Variants in NAALADL2 observed in about 807,000 individuals in gnomAD.
NAALADL2 encodes N-acetylated alpha-linked acidic dipeptidase like 2, also known as inactive N-acetylated-alpha-linked acidic dipeptidase-like protein 2.
NAALADL2 carries 76 observed loss-of-function variants against 87.2 expected under a neutral mutation model. That is an observed-to-expected ratio of 0.87 (90% CI 0.72 to 1.05). The LOEUF (loss-of-function observed/expected upper bound fraction) is 1.05. Among genes scored for constraint, NAALADL2 ranks in the 50% least tolerant of loss-of-function variants. NAALADL2 has a pLI of 0.00. For missense variants in NAALADL2, 1,089 were observed against 945.8 expected (o/e 1.15, Z -1.99); for synonymous variants, 354 against 331.0 (o/e 1.07, Z -0.75).
At chr3:174,896,566 C>T (rs1731560333) in intron 1 of NAALADL2, among the ~76,000 whole-genome samples, 1 of 152,040 alleles carries the variant, frequency 6.6e-6, no homozygotes, top group South Asian at 2.1e-4. Context: ...TTAGAAGAAT[C>T]AATATTGTTA....
At chr3:174,441,652 G>C (rs1173973202) in intron 1 of NAALADL2, among the ~76,000 whole-genome samples, 2 of 151,994 alleles carry the variant, frequency 1.3e-5, no homozygotes, top group Non-Finnish European at 2.9e-5. Context: ...CTAACGTCTG[G>C]CTTACTACCA....
intron 11 of NAALADL2, among the ~76,000 whole-genome samples, chr3:175,633,919 G>A (rs1314943561): frequency 1.3e-5 from 2 of 151,594 alleles, no homozygotes; most frequent in Non-Finnish European, 3.0e-5. Flanking sequence ...ACATGACAAA[G>A]AAAAAGTAGT....
chr3:174,492,507 C>A (rs1718266400), intron 1 of NAALADL2, among the ~76,000 whole-genome samples: 1 of 149,982 alleles, frequency 6.7e-6, no homozygotes, highest in Non-Finnish European at 1.5e-5. Flanking sequence ...GCATAAGATA[C>A]TGCCATGAGG....
intron 5 of NAALADL2, among the ~76,000 whole-genome samples, chr3:175,387,070 A>AT (rs766642900): frequency 5.9e-5 from 9 of 151,626 alleles, no homozygotes; most frequent in African/African-American, 1.9e-4. Context: ...AAGTGGGAAA[A>AT]TTTTTTTTTA....
At chr3:175,283,768 TTA>T (rs1277103083) in intron 4 of NAALADL2, among the ~76,000 whole-genome samples, 1 of 151,764 alleles carries the variant, frequency 6.6e-6, no homozygotes, top group Non-Finnish European at 1.5e-5. Flanking sequence ...AGTGTGTTTT[TTA>T]TATATCCAGT....
intron 3 of NAALADL2, among the ~76,000 whole-genome samples, chr3:174,748,147 A>G (rs916175140): frequency 2.6e-5 from 4 of 152,026 alleles, no homozygotes; most frequent in African/African-American, 9.6e-5. Flanking sequence ...AACAACACAC[A>G]CTTGGGTCTG....
intron 9 of NAALADL2, among the ~76,000 whole-genome samples, chr3:175,533,925 T>C (rs145164055): frequency 1.4e-4 from 21 of 152,136 alleles, no homozygotes; most frequent in Admixed American, 7.8e-4. Context: ...ACCAGCTTCA[T>C]TGTGTTCCTT....
intron 2 of NAALADL2, among the ~76,000 whole-genome samples, chr3:174,572,632 T>G (rs548114897): frequency 6.6e-6 from 1 of 152,308 alleles, no homozygotes; most frequent in East Asian, 1.9e-4. Flanking sequence ...TAAACCATTG[T>G]GTCTAATGAA....
chr3:175,114,049 C>G (rs545116972), intron 2 of NAALADL2, among the ~76,000 whole-genome samples: 2 of 151,640 alleles, frequency 1.3e-5, no homozygotes, highest in South Asian at 2.1e-4. Flanking sequence ...TATTTAATAT[C>G]GGCTTCATGC....
chr3:175,020,528 C>T (rs574549512), intron 1 of NAALADL2, among the ~76,000 whole-genome samples: 2 of 152,206 alleles, frequency 1.3e-5, no homozygotes, highest in South Asian at 4.1e-4. Context: ...TTCTCCCCTT[C>T]ATCAGGCTGG....
intron 1 of NAALADL2, among the ~76,000 whole-genome samples, chr3:174,504,022 T>C (rs1481945867): frequency 2.0e-5 from 3 of 152,132 alleles, no homozygotes; most frequent in Non-Finnish European, 2.9e-5. Flanking sequence ...TCTAGAACTT[T>C]AGTTAAAACA....
At chr3:174,951,063 A>T (rs73176703) in intron 1 of NAALADL2, among the ~76,000 whole-genome samples, 14,813 of 152,128 alleles carry the variant, frequency 0.097, 1,090 homozygotes, top group African/African-American at 0.21. Flanking sequence ...TATTTCTGTA[A>T]TAAAGAAAAA....
intron 3 of NAALADL2, among the ~76,000 whole-genome samples, chr3:174,773,277 G>A (rs519642): frequency 0.53 from 80,804 of 151,972 alleles, 21,839 homozygotes; most frequent in Middle Eastern, 0.64. Flanking sequence ...TATCCCACAA[G>A]CTAAAAAACT....
chr3:174,760,909 G>A (rs1490492411), intron 3 of NAALADL2, among the ~76,000 whole-genome samples: 1 of 152,098 alleles, frequency 6.6e-6, no homozygotes, highest in East Asian at 1.9e-4. Flanking sequence ...TAGCAAATGG[G>A]GGACAAAGAG....
intron 2 of NAALADL2, among the ~76,000 whole-genome samples, chr3:174,569,004 C>T (rs1025177344): frequency 6.6e-6 from 1 of 151,432 alleles, no homozygotes; most frequent in Non-Finnish European, 1.5e-5. Flanking sequence ...GCATGCTATA[C>T]CTTCTCAATA....
chr3:175,297,876 T>C (rs951350950), intron 4 of NAALADL2, among the ~76,000 whole-genome samples: 2 of 152,202 alleles, frequency 1.3e-5, no homozygotes, highest in Non-Finnish European at 2.9e-5. Flanking sequence ...ATTTCTCCTA[T>C]GTAAAAATCT....
chr3:175,301,949 T>C (rs1038533575), intron 4 of NAALADL2, among the ~76,000 whole-genome samples: 2 of 152,162 alleles, frequency 1.3e-5, no homozygotes, highest in Non-Finnish European at 2.9e-5. Context: ...ACTCTGCTCT[T>C]GTAACTGGCC....
intron 5 of NAALADL2, among the ~76,000 whole-genome samples, chr3:175,353,944 A>T (rs1764064431): frequency 1.3e-5 from 2 of 152,188 alleles, no homozygotes; most frequent in Non-Finnish European, 1.5e-5. Context: ...GATTGACATC[A>T]TATATGTAAC....
At chr3:174,487,117 T>A (rs560316288) in intron 1 of NAALADL2, among the ~76,000 whole-genome samples, 1 of 152,024 alleles carries the variant, frequency 6.6e-6, no homozygotes, top group Non-Finnish European at 1.5e-5. Context: ...TCTGGTAGCA[T>A]AGACAAAATC....
Sources: gnomAD v4.1 joint callset for allele counts (sites outside exome capture counted in the v4.1 genomes callset) on GRCh38, gnomAD v4.1.1 for gene constraint, MANE v1.5 for transcripts, NCBI Gene and HGNC (gene_info 2026-07-23, HGNC 2026-07-21) for gene names.